Variants in PLCL2 observed in about 807,000 individuals in gnomAD.
PLCL2 encodes phospholipase C like 2, also known as inactive phospholipase C-like protein 2.
In PLCL2, 4 loss-of-function variants were observed where a neutral mutation model predicts 79.6. The observed-to-expected ratio is 0.05, with a 90% CI of 0.02 to 0.11. The LOEUF (loss-of-function observed/expected upper bound fraction) is 0.11, where lower values mean the gene tolerates loss of function less well. Among genes scored for constraint, PLCL2 ranks in the 10% least tolerant of loss-of-function variants. The pLI, the probability that PLCL2 is intolerant of heterozygous loss-of-function variation, is 1.00. For synonymous variants in PLCL2, 484 were observed against 457.7 expected (o/e 1.06, Z -0.73); for missense variants, 895 against 1,291.0 (o/e 0.69, Z 4.70).
chr3:17,075,260 C>G (rs2065098031), intron 5 of PLCL2, among the ~76,000 whole-genome samples: 1 of 152,060 alleles, frequency 6.6e-6, no homozygotes, highest in African/African-American at 2.4e-5. Flanking sequence ...CCTGAAGAGA[C>G]AGAGATGGAG....
At chr3:16,893,140 G>A (rs571514696) in intron 1 of PLCL2, among the ~76,000 whole-genome samples, 2 of 152,266 alleles carry the variant, frequency 1.3e-5, no homozygotes, top group East Asian at 1.9e-4. Flanking sequence ...CCTGCCCATC[G>A]TGCCTCAAGT....
At chr3:16,986,142 T>C (rs1359843211) in intron 1 of PLCL2, among the ~76,000 whole-genome samples, 1 of 151,716 alleles carries the variant, frequency 6.6e-6, no homozygotes, top group East Asian at 1.9e-4. Flanking sequence ...GGAAAAAAAA[T>C]GACTAGAAAT....
At chr3:17,044,830 G>A (rs1575602175) in intron 4 of PLCL2, among the ~76,000 whole-genome samples, 1 of 152,104 alleles carries the variant, frequency 6.6e-6, no homozygotes, top group Non-Finnish European at 1.5e-5. Context: ...GTATAATGTG[G>A]CTTTCTGTTT....
chr3:16,982,967 T>C (rs2064015435), intron 1 of PLCL2, among the ~76,000 whole-genome samples: 1 of 152,252 alleles, frequency 6.6e-6, no homozygotes, highest in African/African-American at 2.4e-5. Flanking sequence ...TAATCTGTTA[T>C]CTACCATTAG....
chr3:17,061,277 C>A (rs151044895), intron 4 of PLCL2, among the ~76,000 whole-genome samples: 4,745 of 152,142 alleles, frequency 0.031, 111 homozygotes, highest in Admixed American at 0.055. Flanking sequence ...TTTTTGATAT[C>A]TTTTTATTGT....
At chr3:16,978,214 G>A (rs1247522266) in intron 1 of PLCL2, among the ~76,000 whole-genome samples, 1 of 152,218 alleles carries the variant, frequency 6.6e-6, no homozygotes, top group Admixed American at 6.5e-5. Context: ...AAAAGGACAG[G>A]AGAAGAAATA....
chr3:16,941,075 C>G (rs889119484), intron 1 of PLCL2, among the ~76,000 whole-genome samples: 2 of 152,184 alleles, frequency 1.3e-5, no homozygotes, highest in Admixed American at 6.5e-5. Flanking sequence ...CCTCTTTGGC[C>G]TTTTCCTACT....
intron 3 of PLCL2, among the ~76,000 whole-genome samples, chr3:17,026,979 A>G (rs2124905787): frequency 6.6e-6 from 1 of 152,266 alleles, no homozygotes; most frequent in African/African-American, 2.4e-5. Flanking sequence ...GCTAAATATA[A>G]CTGGGATGGT....
chr3:16,981,074 G>A (rs535395291), intron 1 of PLCL2, among the ~76,000 whole-genome samples: 37 of 152,336 alleles, frequency 2.4e-4, no homozygotes, highest in Non-Finnish European at 1.8e-4. Context: ...GCAGTGAGCC[G>A]AGATGGCAGC....
chr3:17,042,648 C>T (rs1302029507), intron 3 of PLCL2: 1 of 444,526 alleles, frequency 2.2e-6, no homozygotes, highest in Non-Finnish European at 4.1e-6. Flanking sequence ...ACTAGCCTCA[C>T]TGCACTTGGA....
intron 1 of PLCL2, among the ~76,000 whole-genome samples, chr3:16,930,352 A>G (rs1249741240): frequency 6.6e-6 from 1 of 152,170 alleles, no homozygotes; most frequent in East Asian, 1.9e-4. Flanking sequence ...AGAGAAAACA[A>G]TGGCCCTCCC....
At chr3:17,021,015 C>A (rs1378655557) in intron 3 of PLCL2, among the ~76,000 whole-genome samples, 1 of 152,138 alleles carries the variant, frequency 6.6e-6, no homozygotes, top group Non-Finnish European at 1.5e-5. Context: ...ATCCCCATCT[C>A]CTTTGTGGCT....
chr3:16,940,914 A>G (rs1055957674), intron 1 of PLCL2, among the ~76,000 whole-genome samples: 5 of 152,208 alleles, frequency 3.3e-5, no homozygotes, highest in African/African-American at 9.7e-5. Flanking sequence ...TCTACTAAAC[A>G]GTGCTGTTGC....
chr3:16,973,920 T>C (rs762264434), intron 1 of PLCL2, among the ~76,000 whole-genome samples: 1 of 152,226 alleles, frequency 6.6e-6, no homozygotes, highest in African/African-American at 2.4e-5. Context: ...TATATGGTAT[T>C]GTGAGAACAT....
intron 4 of PLCL2, among the ~76,000 whole-genome samples, chr3:17,055,444 C>T (rs1391667930): frequency 6.6e-6 from 1 of 152,116 alleles, no homozygotes; most frequent in African/African-American, 2.4e-5. Flanking sequence ...AGAGCAAAAA[C>T]TTCAAAATAA....
intron 1 of PLCL2, among the ~76,000 whole-genome samples, chr3:16,950,465 T>C (rs1362453601): frequency 2.0e-5 from 3 of 152,188 alleles, no homozygotes; most frequent in Non-Finnish European, 4.4e-5. Flanking sequence ...GACATCCTTG[T>C]AGATCTACTG....
chr3:16,950,301 C>T lies in PLCL2; in HGVS notation c.328-59373C>T, dbSNP rs186309879. ...GTCTCTTCTTTAATTACCTTATGTC[C>T]TTCACTAAAGTTTTATCTATTTTTT... On this transcript the variant is annotated intron_variant, in intron 1 of 5. Transcript: ENST00000615277. Among the ~76,000 whole-genome samples the T allele has an allele frequency of 2.6e-5, 4 of 152,262 alleles. No homozygotes were observed. In the East Asian group the frequency reaches 7.7e-4, roughly 29 times the overall value.
At chr3:16,916,609 T>C (rs907659524) in intron 1 of PLCL2, among the ~76,000 whole-genome samples, 2 of 152,210 alleles carry the variant, frequency 1.3e-5, no homozygotes, top group Non-Finnish European at 2.9e-5. Context: ...ACCATCCATG[T>C]AAAGAATCAG....
intron 5 of PLCL2, among the ~76,000 whole-genome samples, chr3:17,083,308 G>C (rs2065182874): frequency 2.0e-5 from 3 of 152,190 alleles, no homozygotes; most frequent in Admixed American, 6.5e-5. Flanking sequence ...TGCATTTCTG[G>C]GGCAAGGGCA....
Sources: allele counts gnomAD v4.1 joint callset (sites outside exome capture counted in the v4.1 genomes callset), GRCh38; gene constraint gnomAD v4.1.1; transcripts MANE v1.5; gene names NCBI Gene and HGNC (gene_info 2026-07-23, HGNC 2026-07-21).